The following ZCRB1 variants were observed in gnomAD, a reference collection of about 807,000 sequenced individuals.
The protein encoded by ZCRB1 is zinc finger CCHC-type and RNA-binding motif-containing protein 1.
ZCRB1 carries 21 observed loss-of-function variants against 29.9 expected under a neutral mutation model. That is an observed-to-expected ratio of 0.70 (90% CI 0.50 to 1.01). The LOEUF (loss-of-function observed/expected upper bound fraction) is 1.01, where lower values mean the gene tolerates loss of function less well. Ranked by LOEUF, ZCRB1 falls within the 50% of genes least tolerant of loss-of-function variation. The probability of loss-of-function intolerance (pLI) is 0.00; values close to 1 mark genes in which losing one functional copy is unlikely to be tolerated. For synonymous variants in ZCRB1, 77 were observed against 80.0 expected, an observed-to-expected ratio of 0.96 and a Z score of 0.20; for missense variants, 204 against 253.3, an observed-to-expected ratio of 0.81 and a Z score of 1.32.
chr12:42,321,041 G>A lies in ZCRB1; in HGVS notation c.113+1377C>T, dbSNP rs575204243. On this transcript the variant is annotated intron_variant, in intron 3 of 7. Coordinates refer to ENST00000266529, the MANE Select transcript of ZCRB1 (RefSeq NM_033114.4). ...CTCTTGCCACAGGGCCTTTGCACAA[G>A]CTATTCCCTCTACCTGAAATATTCC... is the stretch of plus-strand genomic sequence containing the variant. 4.6e-5 allele frequency among the ~76,000 whole-genome samples: 7 copies of A among 152,214 alleles called. No individual in the cohort carries two copies. The South Asian group carries it at 1.4e-3, about 32-fold the overall frequency.
At chr12:42,324,258 C>T (rs1440829892) in intron 1 of ZCRB1, among the ~76,000 whole-genome samples, 154 bp from the exon 2 acceptor site, 2 of 152,156 alleles carry the variant, frequency 1.3e-5, no homozygotes, top group South Asian at 2.1e-4. Context: ...AAGCAATTAT[C>T]CTGCCTCAGC....
rs201679779 is a variant in ZCRB1 at position 42,313,895 on chromosome 12, G to A, written c.425C>T (p.Ala142Val). The A allele has an allele frequency of 3.2e-5, 51 of 1,600,196 alleles. No individual in the cohort carries two copies. The highest frequency in any genetic ancestry group is 5.1e-6 in the Non-Finnish European group (6 of 1,176,984). The change falls in exon 6 of 8, where the codon GCT (alanine) becomes GTT (valine). Residue 142 changes from alanine to valine, a missense_variant. Ala to Val is a moderately conservative substitution (Grantham distance 64). Coordinates refer to ENST00000266529, the MANE Select transcript of ZCRB1 (RefSeq NM_033114.4). ...KKKEKKKKKK[A>V]PEPEEEIEEV... The stretch of plus-strand genomic sequence containing the variant: ...ATACATTTCTTCTTCTGGTTCAGGA[G>A]CTTTCTTTTTTTTCTTTTTTTCTTT...
chr12:42,325,490 G>A (rs940172379), intron 1 of ZCRB1: 3 of 152,184 alleles, frequency 2.0e-5, no homozygotes, highest in Admixed American at 6.5e-5. Flanking sequence ...GTTTACAAAT[G>A]TAATCAGTAA....
chr12:42,317,952 C>T lies in ZCRB1; in HGVS notation c.114-54G>A, dbSNP rs113734418. On this transcript the variant is annotated intron_variant, in intron 3 of 7. Transcript: ENST00000266529. ...GAGGCAGCAATAAATAAAACAGATA[C>T]TAATACTTGAAAAATTCATTTTAAA... is the stretch of plus-strand genomic sequence containing the variant. 4,802 of 1,375,912 alleles carry T rather than the reference C, an allele frequency of 3.5e-3. 167 individuals carry two copies. The African/African-American group carries it at 0.063, about 18-fold the overall frequency. 85.2% of individuals were successfully genotyped at this position (1,375,912 alleles called of 1,614,324 possible). A position where few individuals can be genotyped will look rare whatever the true frequency, so the allele number is the denominator to read the frequency against.
rs375775517 is a variant in ZCRB1, at chr12:42,322,462, A to C, written c.85-16T>G. On this transcript the variant is annotated splice_polypyrimidine_tract_variant and intron_variant, in intron 2 of 7. Coordinates refer to ENST00000266529, the MANE Select transcript of ZCRB1 (RefSeq NM_033114.4). ...TGGAAAATATCTGAAACAAAAGACC[A>C]AATATTTACAATTTATTTTAAAATC... 2 of 1,477,526 alleles carry C rather than the reference A, an allele frequency of 1.4e-6. No homozygotes were observed. Among genetic ancestry groups the C allele is most frequent in the South Asian group, 2.6e-5 (2 of 77,882 alleles). 91.5% of individuals were successfully genotyped at this position (1,477,526 alleles called of 1,614,324 possible).
chr12:42,317,043 CA>C (rs1242053874), intron 5 of ZCRB1, among the ~76,000 whole-genome samples: 4 of 151,908 alleles, frequency 2.6e-5, no homozygotes, highest in African/African-American at 9.7e-5. Flanking sequence ...CCTGCCTCTA[CA>C]AAAAAATTTA....
At chr12:42,319,395 CTT>C (rs1206660600) in intron 3 of ZCRB1, among the ~76,000 whole-genome samples, 1 of 152,130 alleles carries the variant, frequency 6.6e-6, no homozygotes, top group African/African-American at 2.4e-5. Context: ...GTTGCCTATT[CTT>C]TGTCCCACTG....
In ZCRB1 at chr12:42,322,198, AAAAAG is replaced by A. The variant is rs555779766; in HGVS notation, c.113+215_113+219del. Among the ~76,000 whole-genome samples, 11 of 151,406 alleles carry A rather than the reference AAAAAG, an allele frequency of 7.3e-5. No homozygotes were observed. In the South Asian group the frequency reaches 1.3e-3, roughly 17 times the overall value. ...AAGACATTTATGGTATGTCAAATTA[AAAAAG>A]AAAAGAAAATTGTATGTATGTAATA... On this transcript the variant is annotated intron_variant, in intron 3 of 7. Coordinates refer to ENST00000266529, the MANE Select transcript of ZCRB1 (RefSeq NM_033114.4).
rs546056429 is a variant in ZCRB1, at chr12:42,318,292, T to C, written c.114-394A>G. On this transcript the variant is annotated intron_variant, in intron 3 of 7. Coordinates refer to ENST00000266529, the MANE Select transcript of ZCRB1 (RefSeq NM_033114.4). ...TTTTCTAAGTGTTAGAATCAAAGTA[T>C]ATTCTTAATATTCTTTTAAAGAATC... Among the ~76,000 whole-genome samples, 31 of 152,330 alleles carry C rather than the reference T, an allele frequency of 2.0e-4. No individual in the cohort carries two copies. In the South Asian group the frequency reaches 6.2e-3, roughly 31 times the overall value.
At chr12:42,321,015 T>G (rs1250067316) in intron 3 of ZCRB1, among the ~76,000 whole-genome samples, 1 of 152,218 alleles carries the variant, frequency 6.6e-6, no homozygotes, top group Non-Finnish European at 1.5e-5. Context: ...CACTTTATTT[T>G]CTCTTGCCAC....
At chr12:42,315,020 GT>G (rs977173327) in intron 5 of ZCRB1, among the ~76,000 whole-genome samples, 2 of 152,070 alleles carry the variant, frequency 1.3e-5, no homozygotes, top group Non-Finnish European at 2.9e-5. Context: ...AATTACTTCC[GT>G]TTTTTCCCTT....
intron 5 of ZCRB1, among the ~76,000 whole-genome samples, chr12:42,314,297 C>T (rs1009151456): frequency 1.7e-4 from 25 of 148,882 alleles, no homozygotes; most frequent in African/African-American, 5.9e-4. Flanking sequence ...CGGTGGCTCA[C>T]GCCTGTAATC....
chr12:42,321,018 C>T (rs939294036), intron 3 of ZCRB1, among the ~76,000 whole-genome samples: 1 of 152,176 alleles, frequency 6.6e-6, no homozygotes, highest in Non-Finnish European at 1.5e-5. Context: ...TTTATTTTCT[C>T]TTGCCACAGG....
At chr12:42,325,004 A>G (rs531421465) in intron 1 of ZCRB1, among the ~76,000 whole-genome samples, 1 of 152,354 alleles carries the variant, frequency 6.6e-6, no homozygotes, top group African/African-American at 2.4e-5. Flanking sequence ...GGGTGTACTG[A>G]GACAAACCTA....
chr12:42,316,507 GTC>G (rs1424817419), intron 5 of ZCRB1, among the ~76,000 whole-genome samples: 4 of 152,142 alleles, frequency 2.6e-5, no homozygotes, highest in Admixed American at 6.5e-5. Context: ...TTCTATGGCT[GTC>G]TCTCTCTCTT....
chr12:42,315,277 A>T (rs958269556), intron 5 of ZCRB1, among the ~76,000 whole-genome samples: 10 of 152,248 alleles, frequency 6.6e-5, no homozygotes, highest in African/African-American at 2.4e-4. Context: ...TCTGGACATC[A>T]GCTCACTACA....
intron 5 of ZCRB1, among the ~76,000 whole-genome samples, chr12:42,315,631 T>C (rs745377773): frequency 5.1e-4 from 78 of 152,162 alleles, no homozygotes; most frequent in Admixed American, 1.2e-3. Flanking sequence ...AATATAAAAA[T>C]GTAAAAAATA....
intron 1 of ZCRB1, among the ~76,000 whole-genome samples, chr12:42,324,658 T>A (rs919426683): frequency 1.6e-4 from 25 of 152,304 alleles, no homozygotes; most frequent in East Asian, 5.8e-4. Flanking sequence ...AGTCACCACT[T>A]AAAAAAAATT....
In ZCRB1 at chr12:42,318,613, T is replaced by C. The variant is rs577244230; in HGVS notation, c.114-715A>G. 1.2e-3 allele frequency among the ~76,000 whole-genome samples: 184 copies of C among 152,316 alleles called. 6 individuals are homozygous for C. The South Asian group carries it at 0.038, about 31-fold the overall frequency. On this transcript the variant is annotated intron_variant, in intron 3 of 7. Transcript: ENST00000266529. Reference sequence around the variant, plus strand: ...GTCATGGAGGCCCTTGCCCACCGTATGTCATTTAACATAGTTTAAAAACAA... The same window carrying C: ...GTCATGGAGGCCCTTGCCCACCGTACGTCATTTAACATAGTTTAAAAACAA...
Sources: gnomAD v4.1 joint callset for allele counts (sites outside exome capture counted in the v4.1 genomes callset) on GRCh38, gnomAD v4.1.1 for gene constraint, MANE v1.5 for transcripts, NCBI Gene and HGNC (gene_info 2026-07-23, HGNC 2026-07-21) for gene names.